Variants in CUX2 observed in about 807,000 individuals in gnomAD.
CUX2 encodes cut like homeobox 2, also known as homeobox protein cut-like 2.
In CUX2, 40 loss-of-function variants were observed where a neutral mutation model predicts 144.8. The observed-to-expected ratio is 0.28, with a 90% CI of 0.21 to 0.36. CUX2 has a LOEUF of 0.36. CUX2 is among the 10% of genes least tolerant of loss of function. CUX2 has a pLI of 1.00. For synonymous variants in CUX2, 827 were observed against 875.6 expected, an observed-to-expected ratio of 0.94 and a Z score of 0.98; for missense variants, 1,615 against 1,994.0, an observed-to-expected ratio of 0.81 and a Z score of 3.62.
chr12:111,265,195 CTG>C (rs1884320513), intron 4 of CUX2, among the ~76,000 whole-genome samples: 1 of 151,960 alleles, frequency 6.6e-6, no homozygotes, highest in Non-Finnish European at 1.5e-5. Context: ...GGTGCTGGGA[CTG>C]TGGTTTCTCG....
At chr12:111,278,276 C>T (rs778417968) in intron 4 of CUX2, among the ~76,000 whole-genome samples, 10 of 152,166 alleles carry the variant, frequency 6.6e-5, no homozygotes, top group Non-Finnish European at 8.8e-5. Flanking sequence ...ATTATCTGGA[C>T]GTGATGGCAT....
chr12:111,034,978 C>T lies in CUX2; in HGVS notation c.63+738C>T, dbSNP rs1045119014. On this transcript the variant is annotated intron_variant, in intron 1 of 21. Transcript: ENST00000261726. This position sits in a 1 kb window ranked among gnomAD's most constrained non-coding sequence, Gnocchi z 4.2. ...TTGCTTCTTGCCTTTACCCCCCCGC[C>T]CCTTCCATCCCCTTCCCAAGTCTAG... 3.3e-5 allele frequency among the ~76,000 whole-genome samples: 5 copies of T among 152,088 alleles called. No individual in the cohort carries two copies. Among genetic ancestry groups the T allele is most frequent in the Non-Finnish European group, 7.4e-5 (5 of 67,994 alleles).
At position 111,320,729 on chromosome 12, in the gene CUX2, A is replaced by G; in HGVS notation, c.2720A>G (p.Glu907Gly). The G allele has an allele frequency of 6.3e-7, 1 of 1,586,016 alleles. No homozygotes were observed. Among genetic ancestry groups the G allele is most frequent in the Non-Finnish European group, 8.5e-7 (1 of 1,173,660 alleles). The change falls in exon 17 of 22, where the codon GAG becomes GGG. Residue 907 changes from glutamate (E) to glycine (G), a missense_variant. Physicochemically the swap from Glu to Gly is moderately conservative, Grantham distance 98. Coordinates refer to ENST00000261726, the MANE Select transcript of CUX2 (RefSeq NM_015267.4). The surrounding 1 kb of genome is among the most constrained non-coding windows in gnomAD (Gnocchi z 8.1). Reference sequence around the variant, plus strand: ...CTGGAGCTCACCCGCCAGGTCAAGGAGAAGCTGGCCAAGAACGGCATCTGC... The same window carrying G: ...CTGGAGCTCACCCGCCAGGTCAAGGGGAAGCTGGCCAAGAACGGCATCTGC... ...DTLELTRQVK[E>G]KLAKNGICQR...
In CUX2 at chr12:111,210,680, A is replaced by G. The variant is rs555783939; in HGVS notation, c.64-3520A>G. 3.9e-5 allele frequency among the ~76,000 whole-genome samples: 6 copies of G among 152,106 alleles called. No individual in the cohort carries two copies. In the South Asian group the frequency reaches 1.2e-3, roughly 32 times the overall value. ...GGCATGATGGCACATGCCTATAGTC[A>G]CAGCTACTAGGGAGGCTGAGGTGGA... On this transcript the variant is annotated intron_variant, in intron 1 of 21. Transcript: ENST00000261726.
At chr12:111,072,705 C>G (rs943419558) in intron 1 of CUX2, among the ~76,000 whole-genome samples, 1 of 152,248 alleles carries the variant, frequency 6.6e-6, no homozygotes, top group Non-Finnish European at 1.5e-5. Flanking sequence ...TGATTACTGG[C>G]TGACTGTGGC....
chr12:111,306,847 C>T, intron 10 of CUX2, 74 bp from the exon 11 acceptor site: 1 of 1,267,262 alleles, frequency 7.9e-7, no homozygotes, highest in Non-Finnish European at 1.1e-6. Context: ...GCTTGGGATT[C>T]AGGGGTGGGG....
intron 1 of CUX2, among the ~76,000 whole-genome samples, chr12:111,101,490 G>A (rs945987984): frequency 6.6e-6 from 1 of 152,218 alleles, no homozygotes; most frequent in Non-Finnish European, 1.5e-5. Context: ...TCCCTGTCCG[G>A]CTCACTGTCC....
chr12:111,193,236 C>T (rs1363740975), intron 1 of CUX2, among the ~76,000 whole-genome samples: 1 of 152,230 alleles, frequency 6.6e-6, no homozygotes, highest in Non-Finnish European at 1.5e-5. Flanking sequence ...ACCTGCCTGA[C>T]TGCGCCCCAT....
intron 1 of CUX2, among the ~76,000 whole-genome samples, chr12:111,065,892 T>C (rs1266678231): frequency 2.6e-5 from 4 of 152,172 alleles, no homozygotes; most frequent in Non-Finnish European, 4.4e-5. Flanking sequence ...ATTGCCCAGG[T>C]GATTCTGATC....
At position 111,047,109 on chromosome 12, in the gene CUX2, A is replaced by G. The variant is rs1329798012; in HGVS notation, c.63+12869A>G. Among the ~76,000 whole-genome samples, 6 of 152,226 alleles carry G rather than the reference A, an allele frequency of 3.9e-5. No individual in the cohort carries two copies. The South Asian group carries it at 8.3e-4, about 21-fold the overall frequency. ...GTGTCTCCCAGCCTGGAGAATGAGC[A>G]CCACCCGGCCATCCATCCCCGGCCC... On this transcript the variant is annotated intron_variant, in intron 1 of 21. Coordinates refer to ENST00000261726, the MANE Select transcript of CUX2 (RefSeq NM_015267.4).
chr12:111,235,248 C>T (rs1249630680), intron 3 of CUX2, among the ~76,000 whole-genome samples: 2 of 152,058 alleles, frequency 1.3e-5, no homozygotes, highest in African/African-American at 4.8e-5. Context: ...GGGCAGGACA[C>T]CAGGGTCCTG....
intron 1 of CUX2, among the ~76,000 whole-genome samples, chr12:111,036,132 A>G (rs1869432631): frequency 6.6e-6 from 1 of 152,238 alleles, no homozygotes; most frequent in African/African-American, 2.4e-5. Context: ...GTGGCACACA[A>G]GAGGAGAGGA....
chr12:111,275,444 G>T (rs1329351722), intron 4 of CUX2, among the ~76,000 whole-genome samples: 2 of 152,190 alleles, frequency 1.3e-5, no homozygotes, highest in South Asian at 4.1e-4. Context: ...ATGAAGTCCC[G>T]CTCACACCCC....
chr12:111,306,085 G>A (rs1281684773), intron 10 of CUX2, among the ~76,000 whole-genome samples: 3 of 152,154 alleles, frequency 2.0e-5, no homozygotes, highest in Non-Finnish European at 4.4e-5. Context: ...GAGAGCCCAT[G>A]AGGATGCCTC....
chr12:111,194,311 G>A (rs753077483), intron 1 of CUX2, among the ~76,000 whole-genome samples: 2 of 152,310 alleles, frequency 1.3e-5, no homozygotes, highest in East Asian at 1.9e-4. Flanking sequence ...AATGGAAGCC[G>A]TCACTGTTAT....
At position 111,340,937 on chromosome 12, in the gene CUX2, A is replaced by G. The variant is rs138878486; in HGVS notation, c.3386-843A>G. ...TGCGAAGTCCTGTTCCAGCCAGTGG[A>G]AACCGGACACAGCAGTAGGGTGGAA... is the stretch of plus-strand genomic sequence containing the variant. On this transcript the variant is annotated intron_variant, in intron 20 of 21. Coordinates refer to ENST00000261726, the MANE Select transcript of CUX2 (RefSeq NM_015267.4). 5.9e-3 allele frequency among the ~76,000 whole-genome samples: 905 copies of G among 152,338 alleles called. 11 individuals carry two copies. Among genetic ancestry groups the G allele is most frequent in the African/African-American group, 0.021 (863 of 41,574 alleles).
In CUX2 at chr12:111,306,956, G is replaced by A; in HGVS notation, c.894G>A (p.Arg298=). 1.9e-6 allele frequency: 3 copies of A among 1,612,794 alleles called. No homozygotes were observed. Among genetic ancestry groups the A allele is most frequent in the Non-Finnish European group, 2.5e-6 (3 of 1,179,346 alleles). ...ACTTCACTCTGTGCTCGGGCCCTCG[G>A]CTGGAGGCCGCGCTGGCCTCCAAGG... The part of the protein sequence containing the change: ...KVNFTLCSGP[R]LEAALASKDR... Residue 298 remains arginine, a synonymous_variant, in exon 11 of 22, where the codon CGG becomes CGA. Transcript: ENST00000261726.
chr12:111,308,045 C>G (rs1886686627), intron 12 of CUX2, among the ~76,000 whole-genome samples: 2 of 152,314 alleles, frequency 1.3e-5, no homozygotes, highest in South Asian at 4.1e-4. Context: ...ATTCATTAAC[C>G]AGCTAAACTC....
Position 111,289,086 on chromosome 12 carries a change from G to A in CUX2, c.302-2332G>A, listed in dbSNP as rs904663390. On this transcript the variant is annotated intron_variant, in intron 4 of 21. Coordinates refer to ENST00000261726, the MANE Select transcript of CUX2 (RefSeq NM_015267.4). The surrounding 1 kb of genome is among the most constrained non-coding windows in gnomAD (Gnocchi z 4.1). ...TGCAATGAGCTGAGATCACGCCACT[G>A]CACTCCAGCCTGGGCAACAGAGCCA... 1.3e-5 allele frequency among the ~76,000 whole-genome samples: 2 copies of A among 152,148 alleles called. No homozygotes were observed. Among genetic ancestry groups the A allele is most frequent in the African/African-American group, 2.4e-5 (1 of 41,440 alleles).
Sources: allele counts gnomAD v4.1 joint callset (sites outside exome capture counted in the v4.1 genomes callset), GRCh38; gene constraint gnomAD v4.1.1; non-coding constraint Gnocchi (gnomAD v3.1); transcripts MANE v1.5; gene names NCBI Gene and HGNC (gene_info 2026-07-23, HGNC 2026-07-21).